The following SLC6A16 variants were observed in gnomAD, a reference collection of about 807,000 sequenced individuals.
SLC6A16 encodes orphan sodium- and chloride-dependent neurotransmitter transporter NTT5.
Under a neutral mutation model 65.4 loss-of-function variants are expected in SLC6A16, and 54 were observed. The ratio of observed to expected loss-of-function variants is 0.83; its 90% CI spans 0.66 to 1.04. The LOEUF (loss-of-function observed/expected upper bound fraction) is 1.04. SLC6A16 is among the 50% of genes least tolerant of loss of function. SLC6A16 has a pLI of 0.00. For missense variants in SLC6A16, 816 were observed against 914.0 expected, an observed-to-expected ratio of 0.89 and a Z score of 1.38; for synonymous variants, 330 against 346.5, an observed-to-expected ratio of 0.95 and a Z score of 0.53.
At chr19:49,312,960 G>A (rs1343587720) in intron 1 of SLC6A16, among the ~76,000 whole-genome samples, 1 of 151,440 alleles carries the variant, frequency 6.6e-6, no homozygotes, top group African/African-American at 2.4e-5. Flanking sequence ...GCTCACGCCT[G>A]TAATCTGAGC....
At position 49,307,051 on chromosome 19, in the gene SLC6A16, C is replaced by CTTTTTTTTTTTTTTTTTTTTTTTT. The variant is rs1197711801; in HGVS notation, c.1229+1824_1229+1825insAAAAAAAAAAAAAAAAAAAAAAAA. 4.9e-5 allele frequency among the ~76,000 whole-genome samples: 3 copies of CTTTTTTTTTTTTTTTTTTTTTTTT among 61,030 alleles called. 1 individual carries two copies. Among genetic ancestry groups the CTTTTTTTTTTTTTTTTTTTTTTTT allele is most frequent in the South Asian group, 7.3e-4 (1 of 1,374 alleles). 40.0% of individuals were successfully genotyped at this position (61,030 alleles called of 152,430 possible). A position where few individuals can be genotyped will look rare whatever the true frequency, so the allele number is the denominator to read the frequency against. On this transcript the variant is annotated intron_variant, in intron 7 of 11. Transcript: ENST00000335875. ...GTTACACAGTGCATTGTTTTATACA[C>CTTTTTTTTTTTTTTTTTTTTTTTT]TTTTTTTTTTTTTTTGTTAGAGGAA...
In SLC6A16 at chr19:49,293,868, T is replaced by G; in HGVS notation, c.1577A>C (p.Asp526Ala). 1 of 1,613,978 alleles carries G rather than the reference T, an allele frequency of 6.2e-7. No homozygotes were observed. The highest frequency in any genetic ancestry group is 8.5e-7 in the Non-Finnish European group (1 of 1,180,014). Residue 526 changes from aspartate to alanine, a missense_variant, in exon 9 of 12, where the codon GAC becomes GCC. Physicochemically the swap from Asp to Ala is moderately radical, Grantham distance 126. Transcript: ENST00000335875. ...IMQGIITPLQ[D>A]TFSFFRKHTK... ...ATGTTTCCTGAAGAAAGAGAAGGTG[T>G]CCTGGAGTGGAGTAATGATGCCCTG... is the stretch of plus-strand genomic sequence containing the variant.
At chr19:49,336,692 TA>T in the SLC6A16 span, 1 of 527,768 alleles carries the variant, frequency 1.9e-6, no homozygotes, top group Non-Finnish European at 3.4e-6. Flanking sequence ...AAGGAGAGGG[TA>T]AGAGGAAGAG....
At chr19:49,337,946 G>A in the SLC6A16 span, 1,197 of 1,614,094 alleles carry the variant, frequency 7.4e-4, 11 homozygotes, top group South Asian at 0.013. Flanking sequence ...CTTGCGGGAC[G>A]TCGTAGAGAA....
chr19:49,296,894 C>T (rs917358919), intron 7 of SLC6A16, among the ~76,000 whole-genome samples: 3 of 152,072 alleles, frequency 2.0e-5, no homozygotes, highest in Admixed American at 6.6e-5. Flanking sequence ...GAGACTGAGA[C>T]GGGAGAATCA....
intron 1 of SLC6A16, among the ~76,000 whole-genome samples, chr19:49,314,008 A>T (rs182451614): frequency 6.6e-6 from 1 of 152,194 alleles, no homozygotes; most frequent in Non-Finnish European, 1.5e-5. Context: ...AAGCAGGAGA[A>T]TGGCGTGAAC....
chr19:49,294,399 T>C lies in SLC6A16; in HGVS notation c.1384A>G (p.Thr462Ala), dbSNP rs749318396. 1 of 1,614,082 alleles carries C rather than the reference T, an allele frequency of 6.2e-7. No homozygotes were observed. Among genetic ancestry groups the C allele is most frequent in the Non-Finnish European group, 8.5e-7 (1 of 1,180,014 alleles). ...AACTGAGTCTCTATGTTGCACTCAGTCACCTCGCGGAGAACCATGCTTTTG... is the reference window on the plus strand; with the variant it reads ...AACTGAGTCTCTATGTTGCACTCAGCCACCTCGCGGAGAACCATGCTTTTG... ...HIKSMVLREV[T>A]ECNIETQFLK... Residue 462 changes from threonine to alanine, a missense_variant, in exon 8 of 12, where the codon ACT (threonine) becomes GCT (alanine). Transcript: ENST00000335875.
intron 7 of SLC6A16, among the ~76,000 whole-genome samples, chr19:49,304,374 A>G (rs1184713628): frequency 6.6e-6 from 1 of 152,220 alleles, no homozygotes; most frequent in Admixed American, 6.5e-5. Flanking sequence ...ACAAACGCCT[A>G]TCCAATCTTG....
At chr19:49,333,555 G>C in the SLC6A16 span, among the ~76,000 whole-genome samples, 1 of 152,164 alleles carries the variant, frequency 6.6e-6, no homozygotes, top group Non-Finnish European at 1.5e-5. Context: ...TCAGGACTGG[G>C]TTTCAAAAAG....
chr19:49,336,776 T>G, the SLC6A16 span: 1 of 835,788 alleles, frequency 1.2e-6, no homozygotes, highest in Non-Finnish European at 1.9e-6. Context: ...GGACTCAGGG[T>G]GGGGCAGGGA....
chr19:49,340,029 T>C, the SLC6A16 span: 2 of 1,482,724 alleles, frequency 1.3e-6, no homozygotes, highest in African/African-American at 2.8e-5. Context: ...CCGACCTTAC[T>C]CCTTCTCAGC....
intron 1 of SLC6A16, among the ~76,000 whole-genome samples, chr19:49,324,210 A>G (rs1305940679): frequency 1.3e-5 from 2 of 152,152 alleles, no homozygotes; most frequent in Non-Finnish European, 2.9e-5. Flanking sequence ...GCACGCCTAT[A>G]GTCCCAGCTA....
At chr19:49,311,475 C>A in intron 1 of SLC6A16, 64 bp from the exon 2 acceptor site, 1 of 997,460 alleles carries the variant, frequency 1.0e-6, no homozygotes, top group Non-Finnish European at 1.4e-6. Flanking sequence ...AGTTACAAAA[C>A]AATCCTCAAC....
At chr19:49,340,121 C>G in the SLC6A16 span, 1 of 1,537,622 alleles carries the variant, frequency 6.5e-7, no homozygotes, top group South Asian at 1.2e-5. Flanking sequence ...CCTTTTCTAC[C>G]TATCCCCTTC....
At chr19:49,299,546 A>AAAAGAAAG (rs368964600) in intron 7 of SLC6A16, among the ~76,000 whole-genome samples, 93,359 of 126,266 alleles carry the variant, frequency 0.74, 34,913 homozygotes, top group African/African-American at 0.81. Context: ...AAAAAAAAAA[A>AAAAGAAAG]AAAGAAAGAA....
At chr19:49,307,554 G>A (rs150262714) in intron 7 of SLC6A16, among the ~76,000 whole-genome samples, 3,363 of 151,924 alleles carry the variant, frequency 0.022, 126 homozygotes, top group African/African-American at 0.071. Flanking sequence ...GGAGAGGTCG[G>A]GCGCGGTGGC....
intron 7 of SLC6A16, among the ~76,000 whole-genome samples, chr19:49,301,255 T>A (rs2146097474): frequency 6.6e-6 from 1 of 152,066 alleles, no homozygotes; most frequent in East Asian, 1.9e-4. Flanking sequence ...CGCATAACCC[T>A]CTTTCAGGGA....
chr19:49,291,914 T>C (rs112409462), intron 10 of SLC6A16, among the ~76,000 whole-genome samples: 3,031 of 152,230 alleles, frequency 0.02, 104 homozygotes, highest in African/African-American at 0.069. Context: ...CCTGGCTACC[T>C]CTACTATAGA....
At chr19:49,293,144 T>C in intron 10 of SLC6A16, 79 bp downstream of exon 10, 1 of 1,384,138 alleles carries the variant, frequency 7.2e-7, no homozygotes, top group Non-Finnish European at 1.0e-6. Flanking sequence ...CTAGGTGGGT[T>C]GACAGTAGAG....
Sources: gnomAD v4.1 joint callset for allele counts (sites outside exome capture counted in the v4.1 genomes callset) on GRCh38, gnomAD v4.1.1 for gene constraint, MANE v1.5 for transcripts, NCBI Gene and HGNC (gene_info 2026-07-23, HGNC 2026-07-21) for gene names.